Variants in SLC39A11 observed in about 807,000 individuals in gnomAD.
SLC39A11 encodes the protein zinc transporter ZIP11.
SLC39A11 carries 33 observed loss-of-function variants against 36.1 expected under a neutral mutation model. The observed-to-expected ratio is 0.91, with a 90% CI of 0.69 to 1.22. The LOEUF is 1.22. SLC39A11 is among the 50% of genes most tolerant of loss of function. The pLI is 0.00. For synonymous variants in SLC39A11, 166 were observed against 170.3 expected (o/e 0.97, Z 0.20); for missense variants, 432 against 430.3 (o/e 1.00, Z -0.03).
At chr17:73,034,851 C>G (rs951650137) in intron 3 of SLC39A11, among the ~76,000 whole-genome samples, 4 of 152,190 alleles carry the variant, frequency 2.6e-5, no homozygotes, top group African/African-American at 9.7e-5. Context: ...ATTCAAGGAG[C>G]AGGAGCAGAA....
chr17:72,726,667 C>T (rs1360335877), intron 7 of SLC39A11, among the ~76,000 whole-genome samples: 2 of 152,136 alleles, frequency 1.3e-5, no homozygotes, highest in Admixed American at 6.6e-5. Context: ...TCAAAATATG[C>T]CACTTTTCTT....
intron 5 of SLC39A11, among the ~76,000 whole-genome samples, chr17:72,935,040 A>G (rs2084656112): frequency 6.6e-6 from 1 of 152,226 alleles, no homozygotes; most frequent in African/African-American, 2.4e-5. Context: ...ATGTAAACAT[A>G]TGTTTACACA....
chr17:72,682,682 G>A (rs2071560829), intron 7 of SLC39A11, among the ~76,000 whole-genome samples: 1 of 152,154 alleles, frequency 6.6e-6, no homozygotes, highest in African/African-American at 2.4e-5. Flanking sequence ...GTCTCTTTTA[G>A]CTCCAAGCCT....
intron 4 of SLC39A11, among the ~76,000 whole-genome samples, chr17:72,951,320 T>C (rs550399484): frequency 1.3e-5 from 2 of 151,056 alleles, no homozygotes; most frequent in African/African-American, 4.9e-5. Context: ...GATACCTGCT[T>C]TAGAAAGAGT....
At chr17:72,771,122 C>T (rs1419535513) in intron 6 of SLC39A11, among the ~76,000 whole-genome samples, 9 of 151,404 alleles carry the variant, frequency 5.9e-5, no homozygotes, top group Admixed American at 3.3e-4. Flanking sequence ...CAGCGGCTCA[C>T]GCCTCTAATA....
intron 3 of SLC39A11, among the ~76,000 whole-genome samples, chr17:73,042,973 C>A (rs930310514): frequency 6.6e-6 from 1 of 152,116 alleles, no homozygotes; most frequent in African/African-American, 2.4e-5. Flanking sequence ...CAGGGGGTTG[C>A]AAGAGAGGAA....
intron 4 of SLC39A11, among the ~76,000 whole-genome samples, chr17:73,020,487 A>C (rs1369799432): frequency 1.3e-5 from 2 of 152,124 alleles, no homozygotes; most frequent in African/African-American, 4.8e-5. Context: ...TGGCAGCCCA[A>C]GCCAATTTAG....
At chr17:72,727,766 AC>A (rs150784577) in intron 7 of SLC39A11, among the ~76,000 whole-genome samples, 9,056 of 151,878 alleles carry the variant, frequency 0.06, 350 homozygotes, top group African/African-American at 0.1. Context: ...CTGAATGAAC[AC>A]CTTGGTGCAA....
intron 4 of SLC39A11, among the ~76,000 whole-genome samples, chr17:72,972,477 G>A (rs1031382789): frequency 6.6e-6 from 1 of 152,106 alleles, no homozygotes; most frequent in Non-Finnish European, 1.5e-5. Context: ...CAGAAAAGAG[G>A]CTGTCTGCTT....
At chr17:72,973,418 G>A (rs537089875) in intron 4 of SLC39A11, among the ~76,000 whole-genome samples, 1 of 152,156 alleles carries the variant, frequency 6.6e-6, no homozygotes, top group South Asian at 2.1e-4. Context: ...AAGATGAGAA[G>A]GGACAACCTC....
At chr17:72,661,849 C>G (rs2070436663) in intron 7 of SLC39A11, among the ~76,000 whole-genome samples, 1 of 152,128 alleles carries the variant, frequency 6.6e-6, no homozygotes, top group Admixed American at 6.5e-5. Flanking sequence ...TGAGGAAGAG[C>G]CCAAGGAAGT....
intron 6 of SLC39A11, among the ~76,000 whole-genome samples, chr17:72,786,444 A>G (rs997278647): frequency 3.5e-4 from 53 of 152,196 alleles, no homozygotes; most frequent in African/African-American, 1.2e-3. Context: ...TACATGTCTT[A>G]TTTTATACAC....
chr17:73,085,211 C>CAA (rs2144828079), intron 2 of SLC39A11, among the ~76,000 whole-genome samples: 1 of 152,178 alleles, frequency 6.6e-6, no homozygotes, highest in Non-Finnish European at 1.5e-5. Context: ...GTGGAACAAT[C>CAA]AAAACCCTCA....
intron 5 of SLC39A11, among the ~76,000 whole-genome samples, chr17:72,859,142 G>T (rs1306234519): frequency 6.6e-6 from 1 of 152,178 alleles, no homozygotes; most frequent in Non-Finnish European, 1.5e-5. Context: ...TTCAAAAGAA[G>T]AGGATGTACA....
intron 5 of SLC39A11, among the ~76,000 whole-genome samples, chr17:72,912,960 G>A (rs1337560111): frequency 6.6e-6 from 1 of 152,140 alleles, no homozygotes; most frequent in Non-Finnish European, 1.5e-5. Context: ...CAGATGTGGT[G>A]TCAGGACGGT....
intron 5 of SLC39A11, among the ~76,000 whole-genome samples, chr17:72,900,149 AAAGAAAAGAAAGAAAG>A (rs1299911809): frequency 0.067 from 7,646 of 114,048 alleles, 965 homozygotes; most frequent in Middle Eastern, 0.084. Context: ...AAAAAGAAAG[AAAGAAAAGAAAGAAAG>A]AAAGAAAGAA....
chr17:72,928,522 A>G (rs1235128654), intron 5 of SLC39A11, among the ~76,000 whole-genome samples: 1 of 152,196 alleles, frequency 6.6e-6, no homozygotes, highest in Admixed American at 6.5e-5. Flanking sequence ...ATTTGAATGG[A>G]AGAAAACAGA....
chr17:73,085,142 G>GT (rs1260307306), intron 2 of SLC39A11, among the ~76,000 whole-genome samples: 1 of 152,124 alleles, frequency 6.6e-6, no homozygotes, highest in African/African-American at 2.4e-5. Context: ...TAAACCTTTA[G>GT]TAAGTAGCCT....
chr17:72,736,545 G>T, intron 7 of SLC39A11, 105 bp downstream of exon 7: 1 of 942,008 alleles, frequency 1.1e-6, no homozygotes, highest in Non-Finnish European at 1.7e-6. Context: ...CTGTGGGGCT[G>T]GGGTGCTGAA....
Sources: allele counts gnomAD v4.1 joint callset (sites outside exome capture counted in the v4.1 genomes callset), GRCh38; gene constraint gnomAD v4.1.1; transcripts MANE v1.5; gene names NCBI Gene and HGNC (gene_info 2026-07-23, HGNC 2026-07-21).